Variants in JAKMIP2 observed in about 807,000 individuals in gnomAD.
The protein encoded by JAKMIP2 is janus kinase and microtubule-interacting protein 2.
A neutral mutation model predicts 115.0 loss-of-function variants in JAKMIP2; 25 were observed. The ratio of observed to expected loss-of-function variants is 0.22; its 90% CI spans 0.16 to 0.30. The LOEUF is 0.30. Ranked by LOEUF, JAKMIP2 falls within the 10% of genes least tolerant of loss-of-function variation. JAKMIP2 has a pLI of 1.00. For missense variants in JAKMIP2, 642 were observed against 957.6 expected (o/e 0.67, Z 4.35); for synonymous variants, 334 against 343.6 (o/e 0.97, Z 0.31).
intron 3 of JAKMIP2, among the ~76,000 whole-genome samples, chr5:147,652,052 C>T (rs1758422814): frequency 6.6e-6 from 1 of 152,124 alleles, no homozygotes; most frequent in African/African-American, 2.4e-5. Flanking sequence ...CCACATTCAG[C>T]CTCATTATCA....
chr5:147,623,627 A>G lies in JAKMIP2; in HGVS notation c.2058T>C (p.Ser686=), dbSNP rs1234913923. 6.3e-7 allele frequency: 1 copy of G among 1,599,876 alleles called. No individual in the cohort carries two copies. Among genetic ancestry groups the G allele is most frequent in the East Asian group, 2.2e-5 (1 of 44,786 alleles). ...ALHQKMMELE[S]DMEQFCKIKG... ...TATCTCATCTTGTACTTACCATGTC[A>G]CTTTCCAATTCCATCATTTTCTGGT... The change falls in exon 17 of 22, where the codon AGT becomes AGC. Residue 686 remains serine, a synonymous_variant. Coordinates refer to ENST00000616793, the MANE Select transcript of JAKMIP2 (RefSeq NM_001270941.2).
At chr5:147,687,954 G>A (rs12055056) in intron 1 of JAKMIP2, among the ~76,000 whole-genome samples, 45,045 of 152,074 alleles carry the variant, frequency 0.3, 7,786 homozygotes, top group African/African-American at 0.48. Context: ...CATTGACTCA[G>A]TTAATGTTTT....
chr5:147,743,937 G>A (rs1329527743), intron 1 of JAKMIP2, among the ~76,000 whole-genome samples: 1 of 151,896 alleles, frequency 6.6e-6, no homozygotes, highest in African/African-American at 2.4e-5. Flanking sequence ...CAGCTAGCTA[G>A]CCAGCTTTCT....
intron 1 of JAKMIP2, among the ~76,000 whole-genome samples, chr5:147,722,778 T>C (rs1753365959): frequency 6.6e-6 from 1 of 152,186 alleles, no homozygotes; most frequent in Non-Finnish European, 1.5e-5. Context: ...ACTGTTCTCT[T>C]GATGCCAAGG....
intron 2 of JAKMIP2, among the ~76,000 whole-genome samples, chr5:147,663,267 G>A (rs1759127016): frequency 6.6e-6 from 1 of 152,126 alleles, no homozygotes; most frequent in African/African-American, 2.4e-5. Flanking sequence ...TGTTGCTAAA[G>A]GAGATTAACA....
intron 1 of JAKMIP2, among the ~76,000 whole-genome samples, chr5:147,713,805 C>T (rs1004931880): frequency 2.0e-5 from 3 of 152,080 alleles, no homozygotes; most frequent in African/African-American, 7.2e-5. Context: ...TAGCTGGTGT[C>T]TAGGTAAGCT....
At chr5:147,771,285 A>C (rs1408638502) in intron 1 of JAKMIP2, among the ~76,000 whole-genome samples, 1 of 152,058 alleles carries the variant, frequency 6.6e-6, no homozygotes, top group East Asian at 1.9e-4. Flanking sequence ...GCTTGACCTC[A>C]ATATGCCTTA....
At chr5:147,770,485 CA>C (rs764968876) in intron 1 of JAKMIP2, among the ~76,000 whole-genome samples, 1 of 152,026 alleles carries the variant, frequency 6.6e-6, no homozygotes, top group Non-Finnish European at 1.5e-5. Flanking sequence ...GTCTCTCATC[CA>C]AACCTATTCT....
intron 1 of JAKMIP2, among the ~76,000 whole-genome samples, chr5:147,733,810 C>A (rs1424087519): frequency 6.6e-6 from 1 of 152,174 alleles, no homozygotes; most frequent in Non-Finnish European, 1.5e-5. Context: ...TTTTTTATGG[C>A]TGCATAGTAT....
At chr5:147,624,550 G>T (rs1757008671) in intron 16 of JAKMIP2, among the ~76,000 whole-genome samples, 2 of 152,136 alleles carry the variant, frequency 1.3e-5, no homozygotes, top group South Asian at 4.1e-4. Context: ...TGAAGTGGAG[G>T]TGTTCTAAAT....
chr5:147,603,499 A>C (rs1755822982), intron 20 of JAKMIP2, among the ~76,000 whole-genome samples: 1 of 152,214 alleles, frequency 6.6e-6, no homozygotes, highest in African/African-American at 2.4e-5. Context: ...TTCACGTACC[A>C]CAAGGGAAGA....
chr5:147,606,836 T>C (rs1581275180), intron 20 of JAKMIP2, among the ~76,000 whole-genome samples: 1 of 152,344 alleles, frequency 6.6e-6, no homozygotes, highest in East Asian at 1.9e-4. Context: ...TTTCCATTTG[T>C]TTGTGTTCTC....
At chr5:147,672,935 C>A (rs139852328) in intron 1 of JAKMIP2, among the ~76,000 whole-genome samples, 1 of 152,072 alleles carries the variant, frequency 6.6e-6, no homozygotes, top group Non-Finnish European at 1.5e-5. Context: ...GGATAGATGG[C>A]GGGGAGGCCT....
At chr5:147,643,205 A>G (rs564127084) in intron 7 of JAKMIP2, among the ~76,000 whole-genome samples, 57 of 152,248 alleles carry the variant, frequency 3.7e-4, no homozygotes, top group African/African-American at 1.3e-3. Flanking sequence ...TTCCTAATCT[A>G]ATGTATTCAT....
At chr5:147,780,326 C>G (rs1221954232) in intron 1 of JAKMIP2, among the ~76,000 whole-genome samples, 1 of 152,122 alleles carries the variant, frequency 6.6e-6, no homozygotes, top group Non-Finnish European at 1.5e-5. Flanking sequence ...TCTGTTCAAA[C>G]TGTACCAACT....
chr5:147,631,592 A>G lies in JAKMIP2; in HGVS notation c.1777-81T>C, dbSNP rs1000603396. ...ACTAAACCAGTGGTCTCTTTATGCT[A>G]TTTCAGCAGTTTATTACTGTCATTT... On this transcript the variant is annotated intron_variant, in intron 13 of 21. Coordinates refer to ENST00000616793, the MANE Select transcript of JAKMIP2 (RefSeq NM_001270941.2). 5 of 838,432 alleles carry G rather than the reference A, an allele frequency of 6.0e-6. No homozygotes were observed. In the African/African-American group the frequency reaches 7.0e-5, roughly 12 times the overall value. The allele number at this position is 838,432 out of a possible 1,614,324, so 51.9% of individuals were successfully genotyped here. A position where few individuals can be genotyped will look rare whatever the true frequency, so the allele number is the denominator to read the frequency against.
In JAKMIP2 at chr5:147,709,051, T is replaced by C. The variant is rs140213314; in HGVS notation, c.-148-37097A>G. Among the ~76,000 whole-genome samples, 439 of 152,350 alleles carry C rather than the reference T, an allele frequency of 2.9e-3. 2 individuals are homozygous for C. The highest frequency in any genetic ancestry group is 0.01 in the African/African-American group (425 of 41,582). On this transcript the variant is annotated intron_variant, in intron 1 of 21. Coordinates refer to ENST00000616793, the MANE Select transcript of JAKMIP2 (RefSeq NM_001270941.2). ...TGGAAGTGAAAATGTTTAAGCATGA[T>C]AGTTTAATCTAAAAGCAAGTATTTT...
intron 1 of JAKMIP2, among the ~76,000 whole-genome samples, chr5:147,714,431 C>T (rs1166755926): frequency 6.6e-6 from 1 of 151,766 alleles, no homozygotes; most frequent in African/African-American, 2.4e-5. Context: ...ATGGAGAGAC[C>T]AAAAGACGGA....
chr5:147,749,236 C>CA (rs879428733), intron 1 of JAKMIP2, among the ~76,000 whole-genome samples: 1,745 of 142,758 alleles, frequency 0.012, 30 homozygotes, highest in African/African-American at 0.038. Flanking sequence ...ACAATAACAG[C>CA]AAAAAAAAAA....
Sources: allele counts gnomAD v4.1 joint callset (sites outside exome capture counted in the v4.1 genomes callset), GRCh38; gene constraint gnomAD v4.1.1; transcripts MANE v1.5; gene names NCBI Gene and HGNC (gene_info 2026-07-23, HGNC 2026-07-21).